Variants in TMEM108 observed in about 807,000 individuals in gnomAD.
TMEM108 encodes the protein transmembrane protein 108.
A neutral mutation model predicts 35.1 loss-of-function variants in TMEM108; 12 were observed. That is an observed-to-expected ratio of 0.34 (90% CI 0.22 to 0.55). The LOEUF (loss-of-function observed/expected upper bound fraction) is 0.55, where lower values mean the gene tolerates loss of function less well. Ranked by LOEUF, TMEM108 falls within the 20% of genes least tolerant of loss-of-function variation. The pLI is 0.89. For missense variants in TMEM108, 680 were observed against 753.3 expected, an observed-to-expected ratio of 0.90 and a Z score of 1.14; for synonymous variants, 287 against 308.6, an observed-to-expected ratio of 0.93 and a Z score of 0.73.
chr3:133,318,888 T>C (rs1234219664), intron 3 of TMEM108, among the ~76,000 whole-genome samples: 1 of 139,684 alleles, frequency 7.2e-6, no homozygotes, highest in Non-Finnish European at 1.5e-5. Flanking sequence ...TTCTAGATCC[T>C]TTGAAAGAAG....
Position 133,380,357 on chromosome 3 carries a change from ATCTT to A in TMEM108, c.649_652del (p.Phe217ArgfsTer193). On this transcript the variant is annotated frameshift_variant, in exon 4 of 6. Coordinates refer to ENST00000321871, the MANE Select transcript of TMEM108 (RefSeq NM_023943.4). LOFTEE classifies it high-confidence loss of function. The surrounding 1 kb of genome is among the most constrained non-coding windows in gnomAD (Gnocchi z 5.3). ...GGGGCAGAAGCGGCCCCTGGGGAAA[ATCTT>A]TCAGATCTACAAGGGCAACTTCACA... 1 of 1,614,056 alleles carries A rather than the reference ATCTT, an allele frequency of 6.2e-7. No individual in the cohort carries two copies. The highest frequency in any genetic ancestry group is 8.5e-7 in the Non-Finnish European group (1 of 1,179,980).
chr3:133,207,668 A>T (rs1385494770), intron 2 of TMEM108, among the ~76,000 whole-genome samples: 1 of 152,188 alleles, frequency 6.6e-6, no homozygotes, highest in East Asian at 1.9e-4. Flanking sequence ...TGTAACCACA[A>T]CAGAGACAAG....
chr3:133,165,471 C>A lies in TMEM108; in HGVS notation c.-46-63795C>A, dbSNP rs114798529. On this transcript the variant is annotated intron_variant, in intron 2 of 5. Transcript: ENST00000321871. ...AAAAGACAATGTCCCATTAAAAACT[C>A]CTCATGACATATTGGTAAGTGGAGA... Among the ~76,000 whole-genome samples the A allele has an allele frequency of 1.8e-4, 28 of 152,210 alleles. No individual in the cohort carries two copies. In the East Asian group the frequency reaches 4.6e-3, roughly 25 times the overall value.
At chr3:133,193,987 A>G (rs577999417) in intron 2 of TMEM108, among the ~76,000 whole-genome samples, 1 of 145,698 alleles carries the variant, frequency 6.9e-6, no homozygotes. Flanking sequence ...CTCAGGCTGG[A>G]GTGCAGTGGT....
chr3:133,077,779 G>C (rs1943759515), intron 2 of TMEM108, among the ~76,000 whole-genome samples: 1 of 152,148 alleles, frequency 6.6e-6, no homozygotes, highest in Non-Finnish European at 1.5e-5. Flanking sequence ...GGATACAGGA[G>C]AGATGGTCCA....
At chr3:133,184,226 G>A (rs990347894) in intron 2 of TMEM108, among the ~76,000 whole-genome samples, 18 of 152,182 alleles carry the variant, frequency 1.2e-4, no homozygotes, top group Admixed American at 6.5e-5. Flanking sequence ...TACATCAGAT[G>A]TGATCGGAAC....
intron 3 of TMEM108, among the ~76,000 whole-genome samples, chr3:133,279,825 T>C (rs545557675): frequency 2.0e-5 from 3 of 152,292 alleles, no homozygotes; most frequent in African/African-American, 7.2e-5. Context: ...TGTCAGGGCC[T>C]ATGAAAATGT....
intron 3 of TMEM108, among the ~76,000 whole-genome samples, chr3:133,304,241 TG>T (rs1307911664): frequency 4.6e-5 from 7 of 152,324 alleles, no homozygotes; most frequent in African/African-American, 1.4e-4. Flanking sequence ...CAGTGGTTTA[TG>T]GACATTCTGA....
Position 133,246,951 on chromosome 3 carries a change from C to T in TMEM108, c.40+17600C>T, listed in dbSNP as rs546079841. The T allele has an allele frequency of 8.5e-5, 13 of 152,324 alleles. 1 individual carries two copies. The highest frequency in any genetic ancestry group is 3.1e-4 in the African/African-American group (13 of 41,574). The allele number at this position is 152,324 out of a possible 1,614,324, so 9.4% of individuals were successfully genotyped here. A position where few individuals can be genotyped will look rare whatever the true frequency, so the allele number is the denominator to read the frequency against. The stretch of plus-strand genomic sequence containing the variant: ...AACATCAGATGTCACAGGCTTCTGT[C>T]ATGGCTCTAACTTAATTACCAAGTG... On this transcript the variant is annotated intron_variant, in intron 3 of 5. Coordinates refer to ENST00000321871, the MANE Select transcript of TMEM108 (RefSeq NM_023943.4).
chr3:133,312,898 A>G (rs1401866327), intron 3 of TMEM108, among the ~76,000 whole-genome samples: 1 of 152,186 alleles, frequency 6.6e-6, no homozygotes, highest in Non-Finnish European at 1.5e-5. Context: ...TGTCTTAAGA[A>G]TGACATTCTC....
At chr3:133,394,559 C>T (rs2073279120) in intron 5 of TMEM108, among the ~76,000 whole-genome samples, 1 of 152,160 alleles carries the variant, frequency 6.6e-6, no homozygotes, top group South Asian at 2.1e-4. Flanking sequence ...CATGGTTTTG[C>T]CTTTGGTGAA....
intron 2 of TMEM108, among the ~76,000 whole-genome samples, chr3:133,167,134 C>T (rs1945052259): frequency 6.6e-6 from 1 of 152,184 alleles, no homozygotes; most frequent in African/African-American, 2.4e-5. Flanking sequence ...TTCAAGTCCC[C>T]ACTAGATTAG....
Position 133,387,545 on chromosome 3 carries a change from G to A in TMEM108, c.1451-2635G>A, listed in dbSNP as rs561304776. On this transcript the variant is annotated intron_variant, in intron 4 of 5. Coordinates refer to ENST00000321871, the MANE Select transcript of TMEM108 (RefSeq NM_023943.4). ...CATGGGCTGTTAGAGCACTGGACTCGGGGGCGGAGGACTTGGATTCTGCAA... is the reference window on the plus strand; with the variant it reads ...CATGGGCTGTTAGAGCACTGGACTCAGGGGCGGAGGACTTGGATTCTGCAA... The A allele has an allele frequency of 2.7e-4, 268 of 985,310 alleles. No individual in the cohort carries two copies. In the African/African-American group the frequency reaches 4.3e-3, roughly 16 times the overall value. The allele number at this position is 985,310 out of a possible 1,614,324, so 61.0% of individuals were successfully genotyped here.
At chr3:133,281,003 G>A (rs1946904137) in intron 3 of TMEM108, among the ~76,000 whole-genome samples, 1 of 152,172 alleles carries the variant, frequency 6.6e-6, no homozygotes, top group Admixed American at 6.5e-5. Flanking sequence ...ACCAAAGCAA[G>A]TCACAAGGCA....
intron 3 of TMEM108, among the ~76,000 whole-genome samples, chr3:133,329,885 T>A (rs1212951344): frequency 6.6e-6 from 1 of 152,186 alleles, no homozygotes; most frequent in Non-Finnish European, 1.5e-5. Flanking sequence ...AGTGTGTGGT[T>A]ATATTCCCTC....
chr3:133,211,052 G>T (rs550056783), intron 2 of TMEM108, among the ~76,000 whole-genome samples: 1 of 152,118 alleles, frequency 6.6e-6, no homozygotes, highest in African/African-American at 2.4e-5. Context: ...GCAAATTTGA[G>T]GTTAAAGGTA....
chr3:133,179,613 A>G (rs1945298445), intron 2 of TMEM108, among the ~76,000 whole-genome samples: 2 of 152,026 alleles, frequency 1.3e-5, no homozygotes, highest in South Asian at 4.2e-4. Context: ...CAATGAGAAC[A>G]CATGGACACA....
intron 2 of TMEM108, among the ~76,000 whole-genome samples, chr3:133,171,486 C>G (rs1347761318): frequency 6.6e-6 from 1 of 152,180 alleles, no homozygotes; most frequent in Non-Finnish European, 1.5e-5. Flanking sequence ...AAGTGATTCT[C>G]CTGCCTCAGT....
intron 2 of TMEM108, among the ~76,000 whole-genome samples, chr3:133,094,319 G>A (rs550128365): frequency 6.8e-6 from 1 of 148,026 alleles, no homozygotes; most frequent in Admixed American, 7.1e-5. Context: ...TCATTTCAGG[G>A]CTACTCAACT....
Sources: allele counts gnomAD v4.1 joint callset (sites outside exome capture counted in the v4.1 genomes callset), GRCh38; gene constraint gnomAD v4.1.1; non-coding constraint Gnocchi (gnomAD v3.1); transcripts MANE v1.5; gene names NCBI Gene and HGNC (gene_info 2026-07-23, HGNC 2026-07-21).